The following RAPGEF4 variants were observed in gnomAD, a reference collection of about 807,000 sequenced individuals.
The protein encoded by RAPGEF4 is RAP guanine-nucleotide-exchange factor (GEF) 4.
A neutral mutation model predicts 147.9 loss-of-function variants in RAPGEF4; 66 were observed. That is an observed-to-expected ratio of 0.45 (90% confidence interval 0.37 to 0.55). RAPGEF4 has a LOEUF of 0.55. Among genes scored for constraint, RAPGEF4 ranks in the 20% least tolerant of loss-of-function variants. The pLI, the probability that RAPGEF4 is intolerant of heterozygous loss-of-function variation, is 0.00. For synonymous variants in RAPGEF4, 419 were observed against 442.7 expected, an observed-to-expected ratio of 0.95 and a Z score of 0.67; for missense variants, 1,071 against 1,257.3, an observed-to-expected ratio of 0.85 and a Z score of 2.24.
intron 4 of RAPGEF4, among the ~76,000 whole-genome samples, chr2:172,890,795 G>A (rs1211478002): frequency 6.6e-6 from 1 of 152,146 alleles, no homozygotes; most frequent in Admixed American, 6.5e-5. Context: ...ATAATATGTG[G>A]GAATTCAGTG....
intron 29 of RAPGEF4, among the ~76,000 whole-genome samples, chr2:173,041,263 A>G (rs1684724795): frequency 6.6e-6 from 1 of 152,176 alleles, no homozygotes; most frequent in Non-Finnish European, 1.5e-5. Flanking sequence ...AATCTATGGA[A>G]AAAAAGAATC....
intron 5 of RAPGEF4, among the ~76,000 whole-genome samples, chr2:172,921,920 G>A (rs1684803576): frequency 6.6e-6 from 1 of 152,240 alleles, no homozygotes; most frequent in African/African-American, 2.4e-5. Flanking sequence ...AAACTTAGGA[G>A]TTAATGTGCC....
chr2:172,739,617 C>T (rs562238396), intron 1 of RAPGEF4, among the ~76,000 whole-genome samples: 14 of 152,310 alleles, frequency 9.2e-5, no homozygotes, highest in African/African-American at 2.2e-4. Context: ...CTGATCCGCT[C>T]GCCTTGGCCT....
chr2:172,950,695 T>C (rs553132522), intron 6 of RAPGEF4, among the ~76,000 whole-genome samples: 1 of 152,390 alleles, frequency 6.6e-6, no homozygotes, highest in South Asian at 2.1e-4. Flanking sequence ...TTTTCTTTAA[T>C]AAATTATAAG....
chr2:172,976,477 A>C (rs900826765), intron 10 of RAPGEF4, among the ~76,000 whole-genome samples: 13 of 152,248 alleles, frequency 8.5e-5, no homozygotes, highest in African/African-American at 3.1e-4. Context: ...CTTAAAAGTT[A>C]GAGAATCAGG....
chr2:172,746,134 A>G (rs564607814), intron 1 of RAPGEF4, among the ~76,000 whole-genome samples: 6 of 152,340 alleles, frequency 3.9e-5, no homozygotes, highest in Admixed American at 6.5e-5. Context: ...ATATTTTCCA[A>G]TAGATACCTG....
At chr2:172,965,924 G>A (rs183458131) in intron 9 of RAPGEF4, among the ~76,000 whole-genome samples, 11 of 152,322 alleles carry the variant, frequency 7.2e-5, no homozygotes, top group Non-Finnish European at 1.3e-4. Context: ...ATTGCAGCCC[G>A]AGTGCATCAG....
chr2:172,959,653 A>G (rs1689083272), intron 6 of RAPGEF4, among the ~76,000 whole-genome samples: 1 of 151,966 alleles, frequency 6.6e-6, no homozygotes, highest in East Asian at 1.9e-4. Context: ...GACTGGATAC[A>G]TTTTTCTCCA....
chr2:172,828,499 C>T (rs1211144741), intron 4 of RAPGEF4, among the ~76,000 whole-genome samples: 1 of 152,198 alleles, frequency 6.6e-6, no homozygotes, highest in Non-Finnish European at 1.5e-5. Context: ...TGACATCCTT[C>T]AGCTCCTCCT....
intron 1 of RAPGEF4, among the ~76,000 whole-genome samples, chr2:172,741,370 G>T (rs1694278574): frequency 6.6e-6 from 1 of 152,232 alleles, no homozygotes; most frequent in Admixed American, 6.5e-5. Context: ...CCCAGGGCAA[G>T]ATGGCCACAG....
At position 172,797,596 on chromosome 2, in the gene RAPGEF4, G is replaced by C; in HGVS notation, c.280G>C (p.Glu94Gln). Residue 94 changes from glutamate (E) to glutamine (Q), a missense_variant, in exon 3 of 31, where the codon GAG becomes CAG. Coordinates refer to ENST00000397081, the MANE Select transcript of RAPGEF4 (RefSeq NM_007023.4). ...LAGSLDVKVS[E>Q]TSSHQDAVTI... ...AGGGTCTTTGGATGTTAAAGTATCT[G>C]AGACCAGCAGTCACCAGGTAATATG... 1 of 1,613,142 alleles carries C rather than the reference G, an allele frequency of 6.2e-7. No individual in the cohort carries two copies. Among genetic ancestry groups the C allele is most frequent in the Non-Finnish European group, 8.5e-7 (1 of 1,179,320 alleles).
intron 6 of RAPGEF4, among the ~76,000 whole-genome samples, chr2:172,954,594 T>C (rs548154246): frequency 4.6e-4 from 70 of 152,316 alleles, no homozygotes; most frequent in South Asian, 2.1e-3. Flanking sequence ...AATCTGCCTA[T>C]GAGTCTGACT....
At chr2:172,956,367 TG>T (rs1401108445) in intron 6 of RAPGEF4, among the ~76,000 whole-genome samples, 1 of 152,202 alleles carries the variant, frequency 6.6e-6, no homozygotes, top group East Asian at 1.9e-4. Context: ...TTCCATCTCC[TG>T]GCTGCACTGG....
At chr2:173,018,889 T>A in intron 22 of RAPGEF4, 87 bp downstream of exon 22, 2 of 1,421,562 alleles carry the variant, frequency 1.4e-6, no homozygotes, top group South Asian at 2.6e-5. Context: ...CGTGGTCATG[T>A]GAGGCTCACC....
intron 4 of RAPGEF4, among the ~76,000 whole-genome samples, chr2:172,892,422 C>T (rs1698026806): frequency 6.6e-6 from 1 of 152,204 alleles, no homozygotes; most frequent in Non-Finnish European, 1.5e-5. Flanking sequence ...CAGACAGTCC[C>T]TGTGCACATC....
intron 4 of RAPGEF4, among the ~76,000 whole-genome samples, chr2:172,873,741 A>G (rs965308309): frequency 5.3e-5 from 8 of 152,208 alleles, no homozygotes; most frequent in Admixed American, 4.6e-4. Flanking sequence ...CAAAAGGAAT[A>G]TCATCAGAGT....
chr2:172,931,760 G>C (rs1019600489), intron 6 of RAPGEF4, among the ~76,000 whole-genome samples: 3 of 152,202 alleles, frequency 2.0e-5, no homozygotes, highest in African/African-American at 7.2e-5. Flanking sequence ...CCCAGGACCT[G>C]CTAGTTTTAG....
chr2:172,764,477 T>C (rs1413342019), intron 1 of RAPGEF4, among the ~76,000 whole-genome samples: 1 of 152,210 alleles, frequency 6.6e-6, no homozygotes, highest in Non-Finnish European at 1.5e-5. Flanking sequence ...TTGTTTGACT[T>C]TTCAATGGAA....
chr2:172,991,455 A>G lies in RAPGEF4; in HGVS notation c.1490+530A>G, dbSNP rs138802365. ...ACTTTCCTGCTAATGTCAAAAGGCC[A>G]TTAGCTTCACATTTCTCAGATGTCC... is the stretch of plus-strand genomic sequence containing the variant. On this transcript the variant is annotated intron_variant, in intron 15 of 30. Coordinates refer to ENST00000397081, the MANE Select transcript of RAPGEF4 (RefSeq NM_007023.4). Among the ~76,000 whole-genome samples, 607 of 152,348 alleles carry G rather than the reference A, an allele frequency of 4.0e-3. 10 individuals carry two copies. The highest frequency in any genetic ancestry group is 0.032 in the Admixed American group (486 of 15,294).
Sources: gnomAD v4.1 joint callset for allele counts (sites outside exome capture counted in the v4.1 genomes callset) on GRCh38, gnomAD v4.1.1 for gene constraint, MANE v1.5 for transcripts, NCBI Gene and HGNC (gene_info 2026-07-23, HGNC 2026-07-21) for gene names.